EIF4G3: variants seen among roughly 807,000 people sequenced by gnomAD.
EIF4G3 encodes eIF-4-gamma 3.
A neutral mutation model predicts 186.4 loss-of-function variants in EIF4G3; 34 were observed. The observed-to-expected ratio is 0.18, with a 90% CI of 0.14 to 0.24. The LOEUF (loss-of-function observed/expected upper bound fraction) is 0.24, where lower values mean the gene tolerates loss of function less well. Ranked by LOEUF, EIF4G3 falls within the 10% of genes least tolerant of loss-of-function variation. The pLI is 1.00. For synonymous variants in EIF4G3, 673 were observed against 679.5 expected (o/e 0.99, Z 0.15); for missense variants, 1,536 against 1,948.5 (o/e 0.79, Z 3.99).
intron 2 of EIF4G3, among the ~76,000 whole-genome samples, chr1:21,133,477 G>A (rs35070870): frequency 0.027 from 4,182 of 152,076 alleles, 88 homozygotes; most frequent in Non-Finnish European, 0.038. Context: ...CGCCCACCCC[G>A]GCCTCCCAAA....
At chr1:21,168,995 T>C (rs994728269) in intron 2 of EIF4G3, among the ~76,000 whole-genome samples, 9 of 151,808 alleles carry the variant, frequency 5.9e-5, no homozygotes, top group Non-Finnish European at 5.9e-5. Context: ...CTGGGTAACA[T>C]GGCAAAACCC....
intron 15 of EIF4G3, among the ~76,000 whole-genome samples, chr1:20,901,913 T>C (rs2090431052): frequency 6.6e-6 from 1 of 152,182 alleles, no homozygotes; most frequent in South Asian, 2.1e-4. Flanking sequence ...CTGTGCTTAA[T>C]GCAATGTTTT....
chr1:21,003,737 G>GC (rs1366942235), intron 4 of EIF4G3: 5 of 441,630 alleles, frequency 1.1e-5, no homozygotes, highest in Admixed American at 2.5e-5. Context: ...TGTTTAACCT[G>GC]CCTGTGAGGT....
chr1:21,083,037 CAAAAAAAAAAAAAAAAAAAAA>C (rs544781256), intron 3 of EIF4G3, among the ~76,000 whole-genome samples: 12 of 66,432 alleles, frequency 1.8e-4, no homozygotes, highest in East Asian at 5.6e-4. Flanking sequence ...GACTCTGTCT[CAAAAAAAAAAAAAAAAAAAAA>C]AAAAAAAAAA....
chr1:20,975,466 T>C (rs1483203658), intron 10 of EIF4G3, among the ~76,000 whole-genome samples: 3 of 151,670 alleles, frequency 2.0e-5, no homozygotes, highest in Non-Finnish European at 4.4e-5. Context: ...TATATCACAT[T>C]AATCCAATAA....
At chr1:21,096,243 A>G (rs2101631554) in intron 2 of EIF4G3, among the ~76,000 whole-genome samples, 1 of 152,336 alleles carries the variant, frequency 6.6e-6, no homozygotes, top group East Asian at 1.9e-4. Flanking sequence ...TTTTGCAGCA[A>G]CATAGATGGA....
At chr1:20,846,802 C>G (rs2071226226) in intron 29 of EIF4G3, among the ~76,000 whole-genome samples, 1 of 152,178 alleles carries the variant, frequency 6.6e-6, no homozygotes, top group South Asian at 2.1e-4. Flanking sequence ...CCACTTACTA[C>G]TTTAGAGTTT....
intron 11 of EIF4G3, among the ~76,000 whole-genome samples, chr1:20,972,180 T>TA (rs2076034082): frequency 6.6e-6 from 1 of 152,184 alleles, no homozygotes; most frequent in African/African-American, 2.4e-5. Flanking sequence ...CTATAAATTA[T>TA]AAAAAACAAT....
chr1:20,868,871 A>C lies in EIF4G3; in HGVS notation c.2623-3609T>G, dbSNP rs538650704. On this transcript the variant is annotated intron_variant, in intron 20 of 36. Transcript: ENST00000602326. ...AAACTAACAATGTGGCATTAGTGTA[A>C]AGAGACCCATCCACATACAGGTCAC... is the stretch of plus-strand genomic sequence containing the variant. Among the ~76,000 whole-genome samples, 3 of 152,314 alleles carry C rather than the reference A, an allele frequency of 2.0e-5. No individual in the cohort carries two copies. In the East Asian group the frequency reaches 5.8e-4, roughly 29 times the overall value.
intron 3 of EIF4G3, among the ~76,000 whole-genome samples, chr1:21,053,638 G>A (rs1320237318): frequency 2.1e-5 from 3 of 141,404 alleles, no homozygotes; most frequent in Non-Finnish European, 4.8e-5. Flanking sequence ...TCCGGGAGGT[G>A]AGGGGCGCCT....
intron 2 of EIF4G3, among the ~76,000 whole-genome samples, chr1:21,095,002 A>T (rs2101591472): frequency 6.6e-6 from 1 of 152,184 alleles, no homozygotes; most frequent in South Asian, 2.1e-4. Context: ...GATCTAGGGA[A>T]ATAAAACTAA....
At chr1:20,889,184 A>G (rs1161783335) in intron 18 of EIF4G3, among the ~76,000 whole-genome samples, 1 of 152,200 alleles carries the variant, frequency 6.6e-6, no homozygotes, top group Non-Finnish European at 1.5e-5. Context: ...CATCATTCCT[A>G]TCTTATTCAG....
At chr1:20,965,135 G>T (rs2074325865) in intron 12 of EIF4G3, among the ~76,000 whole-genome samples, 1 of 152,026 alleles carries the variant, frequency 6.6e-6, no homozygotes, top group African/African-American at 2.4e-5. Flanking sequence ...ACTTTTCCCT[G>T]GTCAGGGCTC....
At chr1:20,881,875 A>C (rs950194947) in intron 19 of EIF4G3, among the ~76,000 whole-genome samples, 1 of 152,080 alleles carries the variant, frequency 6.6e-6, no homozygotes, top group Non-Finnish European at 1.5e-5. Context: ...TGAAAGAATG[A>C]AATGAGGCCG....
At chr1:20,834,055 T>C (rs1031843448) in intron 30 of EIF4G3, among the ~76,000 whole-genome samples, 7 of 152,136 alleles carry the variant, frequency 4.6e-5, no homozygotes, top group African/African-American at 1.7e-4. Flanking sequence ...AGAAAACAAA[T>C]TACAAAATGG....
intron 34 of EIF4G3, among the ~76,000 whole-genome samples, chr1:20,815,484 G>GA (rs1484535652): frequency 6.6e-6 from 1 of 151,444 alleles, no homozygotes; most frequent in East Asian, 2.0e-4. Context: ...CCCTGTCTGG[G>GA]AGGTGAGGAG....
intron 14 of EIF4G3, among the ~76,000 whole-genome samples, chr1:20,932,874 AAC>A (rs142661912): frequency 0.021 from 3,174 of 152,316 alleles, 61 homozygotes; most frequent in Non-Finnish European, 0.026. Context: ...AGGCTTTCTC[AAC>A]ACAGAGTTAC....
chr1:20,935,401 T>C (rs1335514800), intron 14 of EIF4G3, among the ~76,000 whole-genome samples: 3 of 152,226 alleles, frequency 2.0e-5, no homozygotes, highest in Non-Finnish European at 2.9e-5. Context: ...AGTATTTTAA[T>C]ACAGTAATAG....
chr1:21,022,945 TCA>T (rs947124497), intron 4 of EIF4G3, among the ~76,000 whole-genome samples: 92 of 152,340 alleles, frequency 6.0e-4, no homozygotes, highest in South Asian at 1.7e-3. Context: ...AAAATCACTT[TCA>T]GTTTTCTTTC....
Sources: allele counts gnomAD v4.1 joint callset (sites outside exome capture counted in the v4.1 genomes callset), GRCh38; gene constraint gnomAD v4.1.1; transcripts MANE v1.5; gene names NCBI Gene and HGNC (gene_info 2026-07-23, HGNC 2026-07-21).